The following ATAD3A variants were observed in gnomAD, a reference collection of about 807,000 sequenced individuals.
ATAD3A encodes ATPase family AAA domain containing 3A.
In ATAD3A, 46 loss-of-function variants were observed where a neutral mutation model predicts 73.8. The observed-to-expected ratio is 0.62, with a 90% confidence interval of 0.49 to 0.80. The LOEUF is 0.80. Among genes scored for constraint, ATAD3A ranks in the 30% least tolerant of loss-of-function variants. ATAD3A has a pLI of 0.00. For synonymous variants in ATAD3A, 319 were observed against 350.0 expected, an observed-to-expected ratio of 0.91 and a Z score of 0.99; for missense variants, 705 against 838.0, an observed-to-expected ratio of 0.84 and a Z score of 1.96.
chr1:1,523,652 G>T lies in ATAD3A; in HGVS notation c.963+85G>T. Reference sequence around the variant, plus strand: ...GCTGTGGCCCTTGCTGGCGCTCGTGGTGGCACCCAGGAGCTTTTGGGTCCT... The same window carrying T: ...GCTGTGGCCCTTGCTGGCGCTCGTGTTGGCACCCAGGAGCTTTTGGGTCCT... On this transcript the variant is annotated intron_variant, in intron 9 of 15. Coordinates refer to ENST00000378756, the MANE Select transcript of ATAD3A (RefSeq NM_001170535.3). The surrounding 1 kb of genome is among the most constrained non-coding windows in gnomAD (Gnocchi z 5.1). 1 of 1,603,168 alleles carries T rather than the reference G, an allele frequency of 6.2e-7. No individual in the cohort carries two copies. The highest frequency in any genetic ancestry group is 8.5e-7 in the Non-Finnish European group (1 of 1,174,788).
chr1:1,520,317 C>T lies in ATAD3A; in HGVS notation c.680+11C>T. ...CTTGGAGTCCATCAGGTGAGCACTG[C>T]CGAGGCCCGGGCCGGCCACAGATGG... is the stretch of plus-strand genomic sequence containing the variant. On this transcript the variant is annotated intron_variant, in intron 6 of 15. Coordinates refer to ENST00000378756, the MANE Select transcript of ATAD3A (RefSeq NM_001170535.3). This position sits in a 1 kb window ranked among gnomAD's most constrained non-coding sequence, Gnocchi z 4.0. The T allele has an allele frequency of 1.2e-6, 2 of 1,609,122 alleles. No individual in the cohort carries two copies. The highest frequency in any genetic ancestry group is 1.3e-5 in the African/African-American group (1 of 74,982).
At chr1:1,521,015 C>T (rs1641572415) in intron 7 of ATAD3A, among the ~76,000 whole-genome samples, 2 of 151,974 alleles carry the variant, frequency 1.3e-5, no homozygotes, top group Admixed American at 6.6e-5. Flanking sequence ...AAAAAATTGT[C>T]GATAGTCGTG....
At position 1,520,106 on chromosome 1, in the gene ATAD3A, G is replaced by T. The variant is rs748709254; in HGVS notation, c.515-35G>T. Reference sequence around the variant, plus strand: ...TGGGTGGAGGTGGACGCGCTGCACTGCATGGTGCTGAGCTGCCCTGCCTCT... The same window carrying T: ...TGGGTGGAGGTGGACGCGCTGCACTTCATGGTGCTGAGCTGCCCTGCCTCT... On this transcript the variant is annotated intron_variant, in intron 5 of 15. Transcript: ENST00000378756. The surrounding 1 kb of genome is among the most constrained non-coding windows in gnomAD (Gnocchi z 4.0). 64 of 1,597,902 alleles carry T rather than the reference G, an allele frequency of 4.0e-5. No homozygotes were observed. Among genetic ancestry groups the T allele is most frequent in the Middle Eastern group, 2.2e-4 (1 of 4,518 alleles).
intron 15 of ATAD3A, among the ~76,000 whole-genome samples, chr1:1,533,650 C>T (rs771088438): frequency 2.6e-5 from 4 of 152,086 alleles, no homozygotes; most frequent in Admixed American, 6.5e-5. Flanking sequence ...TGCCCTGGGT[C>T]GGCGGTCAGT....
intron 2 of ATAD3A, among the ~76,000 whole-genome samples, chr1:1,516,595 T>A (rs1236983730): frequency 3.3e-5 from 5 of 151,992 alleles, no homozygotes; most frequent in African/African-American, 4.8e-5. Flanking sequence ...ATATTTTTAG[T>A]AGAGTCGGGG....
At chr1:1,526,590 G>A (rs1295901173) in intron 13 of ATAD3A, 59 bp downstream of exon 13, 3 of 1,610,814 alleles carry the variant, frequency 1.9e-6, no homozygotes, top group Non-Finnish European at 2.5e-6. Context: ...GTCGCCCTTG[G>A]TTCCCACCGA....
chr1:1,517,792 C>G lies in ATAD3A; in HGVS notation c.444+17C>G. 9.7e-7 allele frequency: 1 copy of G among 1,033,200 alleles called. No individual in the cohort carries two copies. The highest frequency in any genetic ancestry group is 1.4e-6 in the Non-Finnish European group (1 of 689,970). The allele number at this position is 1,033,200 out of a possible 1,614,324, so 64.0% of individuals were successfully genotyped here. A position where few individuals can be genotyped will look rare whatever the true frequency, so the allele number is the denominator to read the frequency against. ...AAGCAGCAGGTGAGCTCAGCCTCCC[C>G]TGCGAGGCGCCTGCGTCCCTGAGAA... On this transcript the variant is annotated intron_variant, in intron 4 of 15. Transcript: ENST00000378756.
At chr1:1,531,190 C>A (rs1056277335) in intron 15 of ATAD3A, among the ~76,000 whole-genome samples, 1 of 152,104 alleles carries the variant, frequency 6.6e-6, no homozygotes, top group Non-Finnish European at 1.5e-5. Flanking sequence ...TGCAGTGGCT[C>A]ACACCTGTAA....
intron 1 of ATAD3A, among the ~76,000 whole-genome samples, chr1:1,513,410 C>T (rs543695838): frequency 1.3e-5 from 2 of 151,394 alleles, no homozygotes; most frequent in East Asian, 1.9e-4. Context: ...AGCCTCAGGC[C>T]GCCTCCCCAT....
intron 1 of ATAD3A, among the ~76,000 whole-genome samples, chr1:1,515,413 CTG>C (rs1182291717): frequency 4.6e-5 from 7 of 152,196 alleles, no homozygotes; most frequent in African/African-American, 1.7e-4. Flanking sequence ...GATGGGAAAA[CTG>C]TCATCCCAGA....
intron 5 of ATAD3A, among the ~76,000 whole-genome samples, chr1:1,519,404 T>C (rs1641505113): frequency 1.0e-5 from 1 of 100,146 alleles, no homozygotes; most frequent in Admixed American, 1.1e-4. Flanking sequence ...TTTTTTTGTA[T>C]CTTCAGTAGA....
intron 12 of ATAD3A, 38 bp downstream of exon 12, chr1:1,525,329 G>C (rs777034561): frequency 6.8e-6 from 11 of 1,613,182 alleles, no homozygotes; most frequent in African/African-American, 4.0e-5. Context: ...ATGGGGTGGT[G>C]GGGTGGGCAC....
rs776691432 is a variant in ATAD3A, at chr1:1,522,831, G to C, written c.838G>C (p.Gly280Arg). Residue 280 changes from glycine (G) to arginine (R), a missense_variant, in exon 8 of 16, where the codon GGG (glycine) becomes CGG (arginine). Coordinates refer to ENST00000378756, the MANE Select transcript of ATAD3A (RefSeq NM_001170535.3). Reference protein sequence around the residue: ...VAGRFIEARLGKPSLVRETSR... With the variant: ...VAGRFIEARLRKPSLVRETSR... ...CGGCCGCTTCATCGAGGCTCGGCTG[G>C]GGAAGCCGTCCCTAGTGAGGGAGAC... 1.4e-5 allele frequency: 22 copies of C among 1,610,588 alleles called. No individual in the cohort carries two copies. The highest frequency in any genetic ancestry group is 2.2e-5 in the East Asian group (1 of 44,872).
intron 1 of ATAD3A, 94 bp from the exon 2 acceptor site, chr1:1,515,918 C>T (rs1430138324): frequency 7.5e-6 from 11 of 1,457,838 alleles, no homozygotes; most frequent in East Asian, 2.5e-5. Flanking sequence ...GAGGCGTGGC[C>T]GTGGATTCCA....
intron 1 of ATAD3A, 132 bp downstream of exon 1, chr1:1,512,605 C>A: frequency 1.4e-6 from 2 of 1,410,250 alleles, no homozygotes; most frequent in Non-Finnish European, 1.9e-6. Context: ...CCGGAGCACC[C>A]CCGGCCGGAG....
rs148069363 is a variant in ATAD3A at position 1,513,155 on chromosome 1, C to T, written c.205+682C>T. On this transcript the variant is annotated intron_variant, in intron 1 of 15. Transcript: ENST00000378756. ...GTGAGCCGCTGCTCATGGCCTTCCT[C>T]GGTAATTTTAACCATCAGGTTAGGA... Among the ~76,000 whole-genome samples, 153 of 152,318 alleles carry T rather than the reference C, an allele frequency of 1.0e-3. 2 individuals are homozygous for T. The East Asian group carries it at 0.027, about 27-fold the overall frequency.
chr1:1,527,614 TGGGGGCTGAG>T, intron 13 of ATAD3A, 71 bp from the exon 14 acceptor site: 4 of 1,495,922 alleles, frequency 2.7e-6, no homozygotes, highest in Non-Finnish European at 3.6e-6. Context: ...GTTCTCCCTG[TGGGGGCTGAG>T]GAGGCCCCGT....
intron 1 of ATAD3A, among the ~76,000 whole-genome samples, chr1:1,514,138 C>G (rs1482256233): frequency 1.3e-5 from 2 of 152,214 alleles, no homozygotes; most frequent in Admixed American, 1.3e-4. Context: ...TGTTCTCACT[C>G]TAATAACCGA....
rs1394424051 is a variant in ATAD3A, at chr1:1,517,215, AGTCTCT to A, written c.283-94_283-89del. The A allele has an allele frequency of 2.6e-6, 4 of 1,545,220 alleles. 1 individual carries two copies. In the East Asian group the frequency reaches 1.0e-4, roughly 39 times the overall value. ...GCTGCACACACTAGTCTGGGCATGGAGTCTCTGCCGTGCCGGAGCCGTGCAGACACA... is the reference window on the plus strand; with the variant it reads ...GCTGCACACACTAGTCTGGGCATGGAGCCGTGCCGGAGCCGTGCAGACACA... On this transcript the variant is annotated intron_variant, in intron 2 of 15. Transcript: ENST00000378756.
Sources: gnomAD v4.1 joint callset for allele counts (sites outside exome capture counted in the v4.1 genomes callset) on GRCh38, gnomAD v4.1.1 for gene constraint, Gnocchi (gnomAD v3.1) non-coding constraint, MANE v1.5 for transcripts, NCBI Gene and HGNC (gene_info 2026-07-23, HGNC 2026-07-21) for gene names.